PIBF1: variants seen among roughly 807,000 people sequenced by gnomAD.
PIBF1 encodes the protein progesterone immunomodulatory binding factor 1.
PIBF1 carries 90 observed loss-of-function variants against 112.5 expected under a neutral mutation model. That is an observed-to-expected ratio of 0.80 (90% CI 0.67 to 0.95). The LOEUF (loss-of-function observed/expected upper bound fraction) is 0.95. PIBF1 is among the 40% of genes least tolerant of loss of function. PIBF1 has a pLI of 0.00. For missense variants in PIBF1, 915 were observed against 852.3 expected (o/e 1.07, Z -0.92); for synonymous variants, 301 against 288.6 (o/e 1.04, Z -0.44).
chr13:72,937,781 C>T (rs1387278968), intron 14 of PIBF1, among the ~76,000 whole-genome samples: 1 of 152,052 alleles, frequency 6.6e-6, no homozygotes, highest in Non-Finnish European at 1.5e-5. Flanking sequence ...CGCCACTTCA[C>T]TCCAGCCTGG....
At chr13:72,829,843 G>A (rs1480884534) in intron 8 of PIBF1, among the ~76,000 whole-genome samples, 2 of 152,100 alleles carry the variant, frequency 1.3e-5, no homozygotes, top group Non-Finnish European at 2.9e-5. Context: ...GATGGGGGTA[G>A]CATTGAATGT....
At chr13:72,931,116 G>C (rs776453218) in intron 13 of PIBF1, 49 bp from the exon 14 acceptor site, 4 of 1,018,942 alleles carry the variant, frequency 3.9e-6, no homozygotes, top group Non-Finnish European at 6.1e-6. Context: ...TGAATATTTT[G>C]GGCAGTATTT....
At chr13:72,782,513 A>G (rs1184343930) in intron 1 of PIBF1, among the ~76,000 whole-genome samples, 164 bp downstream of exon 1, 2 of 151,802 alleles carry the variant, frequency 1.3e-5, no homozygotes, top group Non-Finnish European at 2.9e-5. Context: ...TTTCTTACCT[A>G]TTTCCCTTCA....
chr13:72,872,968 T>G (rs537478398), intron 10 of PIBF1, among the ~76,000 whole-genome samples: 2 of 152,286 alleles, frequency 1.3e-5, no homozygotes, highest in South Asian at 2.1e-4. Flanking sequence ...TGGAGTAAGA[T>G]ATCATGTTCA....
At chr13:73,001,297 T>C (rs921818900) in intron 17 of PIBF1, among the ~76,000 whole-genome samples, 1 of 152,218 alleles carries the variant, frequency 6.6e-6, no homozygotes, top group South Asian at 2.1e-4. Context: ...TCTCTGAACT[T>C]GTTGATAAGG....
At chr13:72,910,361 C>T (rs2040853178) in intron 12 of PIBF1, among the ~76,000 whole-genome samples, 1 of 152,214 alleles carries the variant, frequency 6.6e-6, no homozygotes, top group African/African-American at 2.4e-5. Context: ...GTTTATCTTT[C>T]TGCTTTCATA....
chr13:72,818,250 A>G (rs1182117030), intron 5 of PIBF1, among the ~76,000 whole-genome samples: 26 of 152,136 alleles, frequency 1.7e-4, no homozygotes. Flanking sequence ...CATCATCTGG[A>G]TACCCCAACT....
At chr13:72,923,484 G>C (rs550087729) in intron 13 of PIBF1, among the ~76,000 whole-genome samples, 2 of 152,122 alleles carry the variant, frequency 1.3e-5, no homozygotes, top group African/African-American at 2.4e-5. Flanking sequence ...ACTTAATCTT[G>C]GTATAAGTGA....
intron 14 of PIBF1, among the ~76,000 whole-genome samples, chr13:72,958,588 C>T (rs1426594062): frequency 6.6e-6 from 1 of 152,140 alleles, no homozygotes; most frequent in Admixed American, 6.5e-5. Context: ...ACTAAGATCC[C>T]ACTGTCCGTT....
intron 10 of PIBF1, among the ~76,000 whole-genome samples, chr13:72,888,210 A>C (rs1365655551): frequency 5.3e-5 from 8 of 152,162 alleles, no homozygotes; most frequent in African/African-American, 4.8e-5. Context: ...TTGAGAATGG[A>C]AAATTATGAG....
At position 72,887,695 on chromosome 13, in the gene PIBF1, T is replaced by C. The variant is rs2039910080; in HGVS notation, c.1323-6089T>C. Among the ~76,000 whole-genome samples, 3 of 152,178 alleles carry C rather than the reference T, an allele frequency of 2.0e-5. No homozygotes were observed. In the South Asian group the frequency reaches 6.2e-4, roughly 32 times the overall value. On this transcript the variant is annotated intron_variant, in intron 10 of 17. Coordinates refer to ENST00000326291, the MANE Select transcript of PIBF1 (RefSeq NM_006346.4). ...TAAAATTAATTTTTAAGTTGAACCATGTAATGTAAAAATGTAATTTTCTCC... is the reference window on the plus strand; with the variant it reads ...TAAAATTAATTTTTAAGTTGAACCACGTAATGTAAAAATGTAATTTTCTCC...
intron 11 of PIBF1, 102 bp downstream of exon 11, chr13:72,894,051 C>T (rs555150215): frequency 8.2e-6 from 1 of 122,328 alleles, no homozygotes; most frequent in African/African-American, 4.0e-5. Context: ...GTATCACTAT[C>T]CTGCACAAAA....
chr13:72,952,334 G>A (rs938861205), intron 14 of PIBF1, among the ~76,000 whole-genome samples: 8 of 151,934 alleles, frequency 5.3e-5, no homozygotes, highest in Non-Finnish European at 4.4e-5. Flanking sequence ...GATTACAGGC[G>A]TGAACCACCA....
At chr13:72,952,844 A>T (rs2138861590) in intron 14 of PIBF1, among the ~76,000 whole-genome samples, 1 of 149,850 alleles carries the variant, frequency 6.7e-6, no homozygotes, top group African/African-American at 2.5e-5. Context: ...GGAATGGCAG[A>T]GGTCTCATGA....
At chr13:72,798,103 A>G in intron 5 of PIBF1, 77 bp downstream of exon 5, 3 of 1,441,074 alleles carry the variant, frequency 2.1e-6, no homozygotes, top group African/African-American at 1.4e-5. Context: ...GTGATAAGGC[A>G]TATAAAAGTC....
chr13:72,799,628 A>G (rs1051529689), intron 5 of PIBF1, among the ~76,000 whole-genome samples: 1 of 152,234 alleles, frequency 6.6e-6, no homozygotes, highest in Admixed American at 6.5e-5. Flanking sequence ...CTGTTTGGCC[A>G]CTTTCTAATT....
chr13:72,994,555 A>G (rs1489470882), intron 16 of PIBF1, among the ~76,000 whole-genome samples: 1 of 152,216 alleles, frequency 6.6e-6, no homozygotes, highest in African/African-American at 2.4e-5. Flanking sequence ...AACAATATTT[A>G]CAAATAATGA....
In PIBF1 at chr13:72,980,936, G is replaced by A. The variant is rs1444883163; in HGVS notation, c.2049+7261G>A. On this transcript the variant is annotated intron_variant, in intron 16 of 17. Coordinates refer to ENST00000326291, the MANE Select transcript of PIBF1 (RefSeq NM_006346.4). ...AAGAAAAGATAGGACAATTGAGGAA[G>A]GGGCATGAGATCAAGAGCTTTTGCT... Among the ~76,000 whole-genome samples the A allele has an allele frequency of 2.5e-4, 38 of 151,942 alleles. 1 individual carries two copies. The highest frequency in any genetic ancestry group is 2.5e-3 in the Admixed American group (38 of 15,234).
At chr13:72,826,183 T>A (rs1386002248) in intron 6 of PIBF1, among the ~76,000 whole-genome samples, 1 of 152,104 alleles carries the variant, frequency 6.6e-6, no homozygotes, top group African/African-American at 2.4e-5. Flanking sequence ...GTAATATGTA[T>A]CAGAATAGTA....
Sources: gnomAD v4.1 joint callset for allele counts (sites outside exome capture counted in the v4.1 genomes callset) on GRCh38, gnomAD v4.1.1 for gene constraint, MANE v1.5 for transcripts, NCBI Gene and HGNC (gene_info 2026-07-23, HGNC 2026-07-21) for gene names.